Variants in CERS6 observed in about 807,000 individuals in gnomAD.
The protein encoded by CERS6 is LAG1 homolog, ceramide synthase 6.
In CERS6, 26 loss-of-function variants were observed where a neutral mutation model predicts 56.8. That is an observed-to-expected ratio of 0.46 (90% confidence interval 0.34 to 0.63). The LOEUF (loss-of-function observed/expected upper bound fraction) is 0.63, where lower values mean the gene tolerates loss of function less well. Ranked by LOEUF, CERS6 falls within the 30% of genes least tolerant of loss-of-function variation. The pLI is 0.01. For synonymous variants in CERS6, 164 were observed against 173.3 expected (o/e 0.95, Z 0.42); for missense variants, 415 against 467.5 (o/e 0.89, Z 1.04).
At chr2:168,613,720 A>G (rs946207997) in intron 3 of CERS6, among the ~76,000 whole-genome samples, 2 of 152,174 alleles carry the variant, frequency 1.3e-5, no homozygotes, top group Non-Finnish European at 2.9e-5. Flanking sequence ...CCATTGTTTC[A>G]TGCTGCTCAT....
At chr2:168,697,125 T>C (rs929248975) in intron 6 of CERS6, among the ~76,000 whole-genome samples, 16 of 152,210 alleles carry the variant, frequency 1.1e-4, no homozygotes, top group Non-Finnish European at 2.2e-4. Flanking sequence ...TCCACCATCC[T>C]ACAGCAGTGG....
At chr2:168,475,322 G>A (rs956431162) in intron 1 of CERS6, among the ~76,000 whole-genome samples, 2 of 152,054 alleles carry the variant, frequency 1.3e-5, no homozygotes, top group Non-Finnish European at 2.9e-5. Flanking sequence ...GTAAATCGCA[G>A]CTATTATGAC....
intron 2 of CERS6, among the ~76,000 whole-genome samples, chr2:168,554,012 A>G (rs1412148106): frequency 6.6e-6 from 1 of 152,198 alleles, no homozygotes; most frequent in Non-Finnish European, 1.5e-5. Context: ...TGACTATTGT[A>G]GTATTGGGTG....
chr2:168,493,818 A>G (rs887897285), intron 1 of CERS6, among the ~76,000 whole-genome samples: 3 of 150,896 alleles, frequency 2.0e-5, no homozygotes, highest in African/African-American at 7.3e-5. Flanking sequence ...TAACATACAG[A>G]TTAATGTAAT....
intron 2 of CERS6, among the ~76,000 whole-genome samples, chr2:168,559,733 TCATATATATATA>T (rs1368547895): frequency 3.0e-5 from 2 of 66,246 alleles, no homozygotes; most frequent in African/African-American, 9.9e-5. Flanking sequence ...TAGAAAGGTA[TCATATATATATA>T]TATATATATT....
chr2:168,772,667 G>T lies in CERS6; in HGVS notation c.*3005G>T, dbSNP rs551732798. 1.0e-4 allele frequency: 16 copies of T among 152,716 alleles called. No homozygotes were observed. The highest frequency in any genetic ancestry group is 3.9e-4 in the African/African-American group (16 of 41,558). The allele number at this position is 152,716 out of a possible 1,614,324, so 9.5% of individuals were successfully genotyped here. On this transcript the variant is annotated 3_prime_UTR_variant, in exon 10 of 10. Transcript: ENST00000305747. ...AAGGCCAGCATATAAGCCAACTACA[G>T]TTCACCTTTCCAAATTTGGTCCTAT...
chr2:168,598,733 A>G (rs1683863272), intron 3 of CERS6, among the ~76,000 whole-genome samples: 1 of 152,244 alleles, frequency 6.6e-6, no homozygotes. Flanking sequence ...ATATAGAGCT[A>G]TCCCTTAATC....
chr2:168,684,037 T>C (rs1034191597), intron 4 of CERS6, among the ~76,000 whole-genome samples: 4 of 152,186 alleles, frequency 2.6e-5, no homozygotes, highest in African/African-American at 9.6e-5. Flanking sequence ...TCTTTCTACC[T>C]ATATATACTT....
At chr2:168,573,856 G>A (rs10460351) in intron 3 of CERS6, among the ~76,000 whole-genome samples, 3,645 of 152,124 alleles carry the variant, frequency 0.024, 142 homozygotes, top group East Asian at 0.18. Flanking sequence ...CCTGGGATAT[G>A]GTTTGCAGAA....
At chr2:168,689,425 G>A (rs1044375378) in intron 4 of CERS6, among the ~76,000 whole-genome samples, 1 of 151,948 alleles carries the variant, frequency 6.6e-6, no homozygotes, top group Non-Finnish European at 1.5e-5. Context: ...CCAAAAATGG[G>A]CTATACATCA....
At chr2:168,694,745 T>C (rs1686599403) in intron 5 of CERS6, among the ~76,000 whole-genome samples, 1 of 152,176 alleles carries the variant, frequency 6.6e-6, no homozygotes, top group African/African-American at 2.4e-5. Context: ...TAATTAATGC[T>C]TTTTGAGTTG....
At chr2:168,460,341 C>T (rs1374080974) in intron 1 of CERS6, among the ~76,000 whole-genome samples, 2 of 152,008 alleles carry the variant, frequency 1.3e-5, no homozygotes, top group Non-Finnish European at 2.9e-5. Flanking sequence ...ACCACAGGTG[C>T]ATGCTACCAG....
At chr2:168,470,827 G>A (rs1693963149) in intron 1 of CERS6, among the ~76,000 whole-genome samples, 2 of 152,196 alleles carry the variant, frequency 1.3e-5, no homozygotes, top group African/African-American at 4.8e-5. Context: ...TACAATGTGT[G>A]AAGCTTACTT....
At chr2:168,477,173 C>CAGAGAGAGAGAGAGAGAGAGAGAGAG (rs10609883) in intron 1 of CERS6, among the ~76,000 whole-genome samples, 1 of 115,536 alleles carries the variant, frequency 8.7e-6, no homozygotes, top group African/African-American at 3.3e-5. Context: ...GAGGGAGAGA[C>CAGAGAGAGAGAGAGAGAGAGAGAGAG]AGAGAGAGAG....
chr2:168,761,422 T>G (rs576665354), intron 8 of CERS6, among the ~76,000 whole-genome samples: 3 of 152,342 alleles, frequency 2.0e-5, no homozygotes, highest in African/African-American at 7.2e-5. Context: ...CGAGAAAGCT[T>G]CTCAGTCTAT....
At chr2:168,723,673 G>A (rs7558531) in intron 8 of CERS6, among the ~76,000 whole-genome samples, 92,208 of 152,036 alleles carry the variant, frequency 0.61, 28,439 homozygotes, top group Non-Finnish European at 0.63. Flanking sequence ...AATGACTGTG[G>A]AATAATCTTG....
rs190852113 is a variant in CERS6, at chr2:168,702,735, A to G, written c.609+7684A>G. ...AGAATATAAAAAGTTTATTGATATG[A>G]TTTTAGATTCCATATTACAACCAAC... On this transcript the variant is annotated intron_variant, in intron 6 of 9. Transcript: ENST00000305747. Among the ~76,000 whole-genome samples the G allele has an allele frequency of 2.6e-3, 395 of 152,334 alleles. 1 individual carries two copies. The highest frequency in any genetic ancestry group is 8.9e-3 in the African/African-American group (370 of 41,564).
At chr2:168,691,954 A>G (rs1230196136) in intron 5 of CERS6, among the ~76,000 whole-genome samples, 2 of 152,150 alleles carry the variant, frequency 1.3e-5, no homozygotes, top group Non-Finnish European at 2.9e-5. Flanking sequence ...TGGGGCGTGC[A>G]CAGTCCTATG....
intron 8 of CERS6, among the ~76,000 whole-genome samples, chr2:168,735,551 T>C (rs1203388217): frequency 6.6e-6 from 1 of 152,096 alleles, no homozygotes; most frequent in Non-Finnish European, 1.5e-5. Context: ...TATGAAGTGC[T>C]GGTGAGCTTT....
Sources: allele counts gnomAD v4.1 joint callset (sites outside exome capture counted in the v4.1 genomes callset), GRCh38; gene constraint gnomAD v4.1.1; transcripts MANE v1.5; gene names NCBI Gene and HGNC (gene_info 2026-07-23, HGNC 2026-07-21).